Variants in LRFN5 observed in about 807,000 individuals in gnomAD.
LRFN5 encodes leucine rich repeat and fibronectin type III domain containing 5, also known as leucine-rich repeat and fibronectin type-III domain-containing protein 5.
In LRFN5, 24 loss-of-function variants were observed where a neutral mutation model predicts 45.6. That is an observed-to-expected ratio of 0.53 (90% CI 0.38 to 0.74). The LOEUF (loss-of-function observed/expected upper bound fraction) is 0.74, where lower values mean the gene tolerates loss of function less well. Among genes scored for constraint, LRFN5 ranks in the 30% least tolerant of loss-of-function variants. The probability of loss-of-function intolerance (pLI) is 0.00; values close to 1 mark genes in which losing one functional copy is unlikely to be tolerated. For synonymous variants in LRFN5, 340 were observed against 313.8 expected (o/e 1.08, Z -0.88); for missense variants, 776 against 861.5 (o/e 0.90, Z 1.24).
At chr14:41,725,028 T>C (rs1038538167) in intron 1 of LRFN5, among the ~76,000 whole-genome samples, 3 of 152,228 alleles carry the variant, frequency 2.0e-5, no homozygotes, top group Non-Finnish European at 4.4e-5. Flanking sequence ...GAAAAACCAC[T>C]AGGATATTTT....
At chr14:41,882,368 G>A (rs746722282) in intron 2 of LRFN5, among the ~76,000 whole-genome samples, 12 of 152,082 alleles carry the variant, frequency 7.9e-5, no homozygotes, top group Non-Finnish European at 1.6e-4. Flanking sequence ...GTATCTGTAT[G>A]GAAATGAAGG....
chr14:41,740,128 A>T (rs1884628622), intron 1 of LRFN5, among the ~76,000 whole-genome samples: 1 of 152,078 alleles, frequency 6.6e-6, no homozygotes. Flanking sequence ...TTAAATAACT[A>T]ATATCAGTCC....
intron 2 of LRFN5, among the ~76,000 whole-genome samples, chr14:41,858,717 C>T (rs1042773397): frequency 6.6e-6 from 1 of 152,130 alleles, no homozygotes; most frequent in Non-Finnish European, 1.5e-5. Flanking sequence ...CACTCTTTAT[C>T]CTCCCATGGT....
chr14:41,758,095 A>G (rs1885492181), intron 1 of LRFN5, among the ~76,000 whole-genome samples: 1 of 152,102 alleles, frequency 6.6e-6, no homozygotes, highest in Admixed American at 6.5e-5. Flanking sequence ...TCTTCTCTTT[A>G]TCATATCTCT....
intron 1 of LRFN5, among the ~76,000 whole-genome samples, chr14:41,745,391 T>C (rs1438311168): frequency 6.6e-6 from 1 of 152,034 alleles, no homozygotes; most frequent in African/African-American, 2.4e-5. Context: ...CAATGCTAAC[T>C]GGAAAACTTT....
At chr14:41,738,886 T>C (rs1460839316) in intron 1 of LRFN5, among the ~76,000 whole-genome samples, 2 of 152,228 alleles carry the variant, frequency 1.3e-5, no homozygotes, top group Admixed American at 6.5e-5. Flanking sequence ...TTTTCTGAAC[T>C]ACTATTTACA....
At chr14:41,645,409 AT>A (rs1879770157) in intron 1 of LRFN5, among the ~76,000 whole-genome samples, 1 of 152,096 alleles carries the variant, frequency 6.6e-6, no homozygotes, top group South Asian at 2.1e-4. Context: ...TAATTTTTGT[AT>A]TTTTAGTAGA....
intron 1 of LRFN5, among the ~76,000 whole-genome samples, chr14:41,691,675 T>C (rs1483633946): frequency 6.6e-6 from 1 of 152,070 alleles, no homozygotes; most frequent in East Asian, 1.9e-4. Context: ...TTTTTAACAA[T>C]TGTGTACTTT....
At chr14:41,884,668 C>G (rs557708696) in intron 2 of LRFN5, among the ~76,000 whole-genome samples, 1 of 152,136 alleles carries the variant, frequency 6.6e-6, no homozygotes, top group African/African-American at 2.4e-5. Context: ...ACACCCTCCC[C>G]TTAACGATCT....
At chr14:41,681,792 T>A (rs1376269465) in intron 1 of LRFN5, among the ~76,000 whole-genome samples, 1 of 124,544 alleles carries the variant, frequency 8.0e-6, no homozygotes, top group Non-Finnish European at 1.6e-5. Flanking sequence ...TTTATTTTAT[T>A]TTATTTTATT....
At position 41,854,993 on chromosome 14, in the gene LRFN5, CAG is replaced by C. The variant is rs939359158; in HGVS notation, c.-20-31612_-20-31611del. 3.7e-4 allele frequency among the ~76,000 whole-genome samples: 56 copies of C among 152,226 alleles called. 3 individuals are homozygous for C. The highest frequency in any genetic ancestry group is 1.2e-3 in the African/African-American group (51 of 41,534). ...TAAGACATGAATTAGTTAAATTCTC[CAG>C]GTGAAAGATAAAATTCTATCAAACT... On this transcript the variant is annotated intron_variant, in intron 2 of 5. Transcript: ENST00000298119.
In LRFN5 at chr14:41,644,408, C is replaced by T. The variant is rs145654830; in HGVS notation, c.-197+35846C>T. ...TGTTGCTTTCACTAACTGTTTAAAT[C>T]TATCATGCATTTAGGAATATAATTG... On this transcript the variant is annotated intron_variant, in intron 1 of 5. Coordinates refer to ENST00000298119, the MANE Select transcript of LRFN5 (RefSeq NM_152447.5). Among the ~76,000 whole-genome samples, 498 of 152,288 alleles carry T rather than the reference C, an allele frequency of 3.3e-3. 3 individuals carry two copies. The highest frequency in any genetic ancestry group is 0.011 in the African/African-American group (463 of 41,562).
In LRFN5 at chr14:41,891,676, A is replaced by G. The variant is rs1890787362; in HGVS notation, c.1812A>G (p.Lys604=). ...ACGAAGAGAATGCCCAGTGTTGTAA[A>G]GCTACCAGTGACAATGTGATTCAAT... ...VGHEENAQCC[K]ATSDNVIQSS... Residue 604 remains lysine, a synonymous_variant, in exon 4 of 6, where the codon AAA becomes AAG. Transcript: ENST00000298119. 6.2e-7 allele frequency: 1 copy of G among 1,614,200 alleles called. No individual in the cohort carries two copies. The highest frequency in any genetic ancestry group is 8.5e-7 in the Non-Finnish European group (1 of 1,180,018).
At chr14:41,689,894 CAAAAAAA>C (rs10572529) in intron 1 of LRFN5, among the ~76,000 whole-genome samples, 2 of 81,950 alleles carry the variant, frequency 2.4e-5, no homozygotes, top group Non-Finnish European at 4.9e-5. Context: ...GACTCCGTCT[CAAAAAAA>C]AAAAAAAAAA....
At chr14:41,784,779 C>T (rs954238753) in intron 2 of LRFN5, among the ~76,000 whole-genome samples, 6 of 152,014 alleles carry the variant, frequency 3.9e-5, no homozygotes, top group African/African-American at 7.2e-5. Context: ...CAGGTACGCA[C>T]CACTATACCC....
At chr14:41,643,299 G>A (rs1337892086) in intron 1 of LRFN5, among the ~76,000 whole-genome samples, 1 of 152,076 alleles carries the variant, frequency 6.6e-6, no homozygotes, top group East Asian at 1.9e-4. Context: ...AATATCAGCA[G>A]AAATTAAATA....
At chr14:41,662,975 A>G (rs1880725940) in intron 1 of LRFN5, among the ~76,000 whole-genome samples, 1 of 152,074 alleles carries the variant, frequency 6.6e-6, no homozygotes. Flanking sequence ...TTGTACCTTG[A>G]TAAGACATGT....
At chr14:41,609,288 C>T (rs1439668943) in intron 1 of LRFN5, among the ~76,000 whole-genome samples, 1 of 152,040 alleles carries the variant, frequency 6.6e-6, no homozygotes, top group East Asian at 1.9e-4. Context: ...GTATTGTCCC[C>T]GTCACGGACA....
intron 2 of LRFN5, among the ~76,000 whole-genome samples, chr14:41,810,326 A>C (rs932708550): frequency 4.6e-5 from 7 of 152,168 alleles, no homozygotes; most frequent in Admixed American, 2.6e-4. Flanking sequence ...CCTCCCAGGA[A>C]GACCATAGCT....
Sources: allele counts gnomAD v4.1 joint callset (sites outside exome capture counted in the v4.1 genomes callset), GRCh38; gene constraint gnomAD v4.1.1; transcripts MANE v1.5; gene names NCBI Gene and HGNC (gene_info 2026-07-23, HGNC 2026-07-21).